Variants in MRPS35 observed in about 807,000 individuals in gnomAD.
MRPS35 encodes the protein small ribosomal subunit protein mS35.
In MRPS35, 29 loss-of-function variants were observed where a neutral mutation model predicts 32.7. That is an observed-to-expected ratio of 0.89 (90% CI 0.66 to 1.21). The LOEUF (loss-of-function observed/expected upper bound fraction) is 1.21. Ranked by LOEUF, MRPS35 falls within the 50% of genes most tolerant of loss-of-function variation. MRPS35 has a pLI of 0.00. For missense variants in MRPS35, 373 were observed against 383.8 expected (o/e 0.97, Z 0.23); for synonymous variants, 148 against 139.3 (o/e 1.06, Z -0.44).
intron 7 of MRPS35, among the ~76,000 whole-genome samples, chr12:27,739,095 G>T (rs1218997829): frequency 6.6e-6 from 1 of 152,074 alleles, no homozygotes; most frequent in East Asian, 1.9e-4. Context: ...ACAAGGTTTT[G>T]CCATGTTGGC....
intron 5 of MRPS35, among the ~76,000 whole-genome samples, chr12:27,732,625 A>G (rs1408930771): frequency 6.6e-6 from 1 of 152,206 alleles, no homozygotes; most frequent in Non-Finnish European, 1.5e-5. Flanking sequence ...AGAAACTACT[A>G]TTGGACATAC....
intron 7 of MRPS35, among the ~76,000 whole-genome samples, chr12:27,742,033 C>G (rs1309049478): frequency 6.6e-6 from 1 of 152,112 alleles, no homozygotes; most frequent in Non-Finnish European, 1.5e-5. Flanking sequence ...GAGGCTGGGG[C>G]AGGAGGATCT....
At chr12:27,722,952 C>T (rs1381654739) in intron 4 of MRPS35, among the ~76,000 whole-genome samples, 2 of 152,174 alleles carry the variant, frequency 1.3e-5, no homozygotes, top group Non-Finnish European at 2.9e-5. Flanking sequence ...CAAAATAGTT[C>T]TCACTGCCCC....
intron 7 of MRPS35, among the ~76,000 whole-genome samples, chr12:27,750,216 A>T (rs570758636): frequency 3.9e-5 from 6 of 152,212 alleles, no homozygotes; most frequent in Non-Finnish European, 7.3e-5. Flanking sequence ...GGTGTTAAAA[A>T]ATATATATGC....
At chr12:27,728,287 T>C (rs944249184) in intron 5 of MRPS35, among the ~76,000 whole-genome samples, 1 of 152,146 alleles carries the variant, frequency 6.6e-6, no homozygotes, top group Non-Finnish European at 1.5e-5. Context: ...TTAAATTTTT[T>C]ATTATGAAAA....
rs370763422 is a variant in MRPS35 at position 27,748,073 on chromosome 12, G to A, written c.703-7108G>A. On this transcript the variant is annotated intron_variant, in intron 7 of 7. Coordinates refer to ENST00000081029, the MANE Select transcript of MRPS35 (RefSeq NM_021821.4). Reference sequence around the variant, plus strand: ...TAGAATAGTGCCTGGCATGTAGTGAGTGTTCCAACAGTTTTTCAGCCTCAG... The same window carrying A: ...TAGAATAGTGCCTGGCATGTAGTGAATGTTCCAACAGTTTTTCAGCCTCAG... Among the ~76,000 whole-genome samples the A allele has an allele frequency of 3.1e-4, 47 of 152,334 alleles. No individual in the cohort carries two copies. In the South Asian group the frequency reaches 8.9e-3, roughly 29 times the overall value.
intron 4 of MRPS35, among the ~76,000 whole-genome samples, chr12:27,723,610 G>C (rs1172074077): frequency 6.7e-6 from 1 of 149,764 alleles, no homozygotes; most frequent in Non-Finnish European, 1.5e-5. Context: ...CTTTTTGAGA[G>C]CTTTCAATTC....
chr12:27,749,096 C>T (rs1307101217), intron 7 of MRPS35, among the ~76,000 whole-genome samples: 1 of 151,900 alleles, frequency 6.6e-6, no homozygotes, highest in Non-Finnish European at 1.5e-5. Flanking sequence ...CCAAGTGTTA[C>T]CAGTGTTAAT....
At chr12:27,719,589 C>A (rs1187616237) in intron 3 of MRPS35, among the ~76,000 whole-genome samples, 1 of 151,274 alleles carries the variant, frequency 6.6e-6, no homozygotes. Flanking sequence ...TGGCGTGAAC[C>A]CGGGAAGCGG....
At chr12:27,723,068 G>A (rs2061883488) in intron 4 of MRPS35, among the ~76,000 whole-genome samples, 1 of 152,170 alleles carries the variant, frequency 6.6e-6, no homozygotes, top group African/African-American at 2.4e-5. Flanking sequence ...AGTCTAATAT[G>A]TTTGACCCAA....
intron 7 of MRPS35, among the ~76,000 whole-genome samples, chr12:27,746,871 C>T (rs748163528): frequency 5.3e-5 from 8 of 152,094 alleles, no homozygotes; most frequent in African/African-American, 1.4e-4. Flanking sequence ...TTATCCCTAC[C>T]GCTACAGTCT....
At chr12:27,711,121 T>C (rs1285579388) in intron 1 of MRPS35, among the ~76,000 whole-genome samples, 166 bp downstream of exon 1, 1 of 152,246 alleles carries the variant, frequency 6.6e-6, no homozygotes, top group African/African-American at 2.4e-5. Context: ...GTCTGTGCTC[T>C]GCACCCGCGT....
intron 7 of MRPS35, among the ~76,000 whole-genome samples, chr12:27,751,079 G>C (rs1451377764): frequency 1.6e-5 from 2 of 122,298 alleles, no homozygotes; most frequent in Non-Finnish European, 3.2e-5. Context: ...CTTCAGCCTG[G>C]GTGACAGAGT....
At position 27,735,450 on chromosome 12, in the gene MRPS35, A is replaced by T. The variant is rs752539695; in HGVS notation, c.526A>T (p.Lys176Ter). ...PRARVVVLRV[K>*]LSSLNLDDHA... ...AATAACTTTTCTTATTTTTAAGGTAAAGCTTTCCAGTTTGAATTTAGATGA... is the reference window on the plus strand; with the variant it reads ...AATAACTTTTCTTATTTTTAAGGTATAGCTTTCCAGTTTGAATTTAGATGA... The change falls in exon 6 of 8, where the codon AAG becomes TAG. Residue 176 changes from lysine (K) to a stop codon, truncating the protein, a stop_gained. Transcript: ENST00000081029. LOFTEE classifies it high-confidence loss of function. 1.9e-6 allele frequency: 3 copies of T among 1,598,024 alleles called. No individual in the cohort carries two copies. The East Asian group carries it at 6.7e-5, about 36-fold the overall frequency.
intron 5 of MRPS35, among the ~76,000 whole-genome samples, chr12:27,730,639 G>A (rs1357070404): frequency 1.3e-5 from 2 of 152,030 alleles, no homozygotes; most frequent in African/African-American, 4.8e-5. Context: ...TTGTAGAGAT[G>A]AGGTTTTGCC....
intron 5 of MRPS35, among the ~76,000 whole-genome samples, chr12:27,735,106 A>G (rs532621435): frequency 2.8e-4 from 43 of 152,340 alleles, no homozygotes; most frequent in African/African-American, 9.6e-4. Context: ...TTATTTCTAT[A>G]TTCCAACTTA....
intron 7 of MRPS35, among the ~76,000 whole-genome samples, chr12:27,751,669 C>T (rs570841413): frequency 2.0e-5 from 3 of 152,288 alleles, no homozygotes; most frequent in East Asian, 3.9e-4. Flanking sequence ...CCTGTCCAGA[C>T]GGACAGCTTT....
chr12:27,748,605 C>T (rs1311963396), intron 7 of MRPS35, among the ~76,000 whole-genome samples: 1 of 151,742 alleles, frequency 6.6e-6, no homozygotes, highest in Non-Finnish European at 1.5e-5. Flanking sequence ...TTTTTAATTG[C>T]CCCCAGTAAT....
At position 27,735,480 on chromosome 12, in the gene MRPS35, G is replaced by T. The variant is rs143251276; in HGVS notation, c.556G>T (p.Ala186Ser). Residue 186 changes from alanine (A) to serine (S), a missense_variant, in exon 6 of 8, where the codon GCA becomes TCA. Ala to Ser is a moderately conservative substitution (Grantham distance 99, BLOSUM62 1). Transcript: ENST00000081029. ...TTCCAGTTTGAATTTAGATGATCACGCAAAGAAGAAATTAATTAAACTTGT... is the reference window on the plus strand; with the variant it reads ...TTCCAGTTTGAATTTAGATGATCACTCAAAGAAGAAATTAATTAAACTTGT... ...KLSSLNLDDH[A>S]KKKLIKLVGE... is the part of the protein sequence containing the mutation. The T allele has an allele frequency of 8.7e-6, 14 of 1,609,984 alleles. No homozygotes were observed. The highest frequency in any genetic ancestry group is 1.3e-5 in the African/African-American group (1 of 74,628).
Sources: gnomAD v4.1 joint callset for allele counts (sites outside exome capture counted in the v4.1 genomes callset) on GRCh38, gnomAD v4.1.1 for gene constraint, MANE v1.5 for transcripts, NCBI Gene and HGNC (gene_info 2026-07-23, HGNC 2026-07-21) for gene names.